The following BTLA variants were observed in gnomAD, a reference collection of about 807,000 sequenced individuals.
BTLA encodes B- and T-lymphocyte attenuator.
Under a neutral mutation model 25.0 loss-of-function variants are expected in BTLA, and 11 were observed. The ratio of observed to expected loss-of-function variants is 0.44; its 90% CI spans 0.28 to 0.73. BTLA has a LOEUF of 0.73. Ranked by LOEUF, BTLA falls within the 30% of genes least tolerant of loss-of-function variation. BTLA has a pLI of 0.15. For missense variants in BTLA, 282 were observed against 332.8 expected (o/e 0.85, Z 1.19); for synonymous variants, 104 against 119.8 (o/e 0.87, Z 0.86).
chr3:112,497,286 C>T (rs1157714040), intron 1 of BTLA, among the ~76,000 whole-genome samples: 5 of 152,166 alleles, frequency 3.3e-5, no homozygotes, highest in Non-Finnish European at 7.3e-5. Flanking sequence ...CATCTACAGT[C>T]TTCACAGCAG....
intron 1 of BTLA, among the ~76,000 whole-genome samples, chr3:112,488,558 A>G (rs1262597761): frequency 6.6e-6 from 1 of 150,434 alleles, no homozygotes; most frequent in African/African-American, 2.5e-5. Flanking sequence ...CCATACCCTC[A>G]TATCCCCACT....
intron 3 of BTLA, chr3:112,470,055 C>T (rs2082253914): frequency 2.8e-6 from 1 of 357,344 alleles, no homozygotes; most frequent in African/African-American, 2.1e-5. Flanking sequence ...TAGTATATCA[C>T]TTGGAAGAGA....
chr3:112,466,880 T>G (rs943822493), intron 4 of BTLA, among the ~76,000 whole-genome samples: 1 of 152,104 alleles, frequency 6.6e-6, no homozygotes, highest in Non-Finnish European at 1.5e-5. Flanking sequence ...AAAATTGATG[T>G]CAGTTTTGGA....
At chr3:112,498,446 A>C (rs2107345491) in intron 1 of BTLA, among the ~76,000 whole-genome samples, 1 of 152,226 alleles carries the variant, frequency 6.6e-6, no homozygotes, top group South Asian at 2.1e-4. Flanking sequence ...AAAAAATAAA[A>C]AAATAAAACC....
intron 4 of BTLA, 106 bp from the exon 5 acceptor site, chr3:112,466,489 G>T: frequency 9.5e-7 from 1 of 1,051,490 alleles, no homozygotes; most frequent in Non-Finnish European, 1.3e-6. Context: ...TGTCCATTGT[G>T]AGAAATAATC....
At chr3:112,485,474 T>C (rs138751448) in intron 1 of BTLA, among the ~76,000 whole-genome samples, 1 of 152,374 alleles carries the variant, frequency 6.6e-6, no homozygotes, top group African/African-American at 2.4e-5. Context: ...GTTTGTCTTA[T>C]CAAATAAATA....
intron 1 of BTLA, among the ~76,000 whole-genome samples, chr3:112,495,374 G>A (rs915197539): frequency 1.2e-4 from 18 of 152,172 alleles, no homozygotes; most frequent in Non-Finnish European, 2.1e-4. Context: ...ACATAAAGAT[G>A]AAACTCACAA....
intron 1 of BTLA, among the ~76,000 whole-genome samples, chr3:112,483,735 A>C (rs973872416): frequency 2.4e-4 from 36 of 151,980 alleles, no homozygotes; most frequent in Non-Finnish European, 4.6e-4. Context: ...TGGGAGGCCG[A>C]GGGAGGTGGA....
intron 1 of BTLA, among the ~76,000 whole-genome samples, chr3:112,497,664 A>G (rs2082416596): frequency 6.6e-6 from 1 of 152,132 alleles, no homozygotes. Context: ...TTGACTTAAT[A>G]CTAGATACTT....
intron 4 of BTLA, among the ~76,000 whole-genome samples, chr3:112,467,725 C>A (rs1462987738): frequency 2.6e-5 from 4 of 152,170 alleles, no homozygotes; most frequent in Admixed American, 2.6e-4. Context: ...TAAGGCTGAG[C>A]GACTGAAAGA....
chr3:112,467,913 T>C (rs1206553624), intron 4 of BTLA, among the ~76,000 whole-genome samples: 1 of 152,362 alleles, frequency 6.6e-6, no homozygotes. Flanking sequence ...GCCTGTCAAT[T>C]GGGTTCCCTG....
intron 1 of BTLA, among the ~76,000 whole-genome samples, chr3:112,493,652 C>T (rs2082392545): frequency 6.6e-6 from 1 of 152,188 alleles, no homozygotes; most frequent in South Asian, 2.1e-4. Flanking sequence ...CAGGCGTGTC[C>T]CACCACGCCC....
intron 2 of BTLA, among the ~76,000 whole-genome samples, chr3:112,472,731 A>G (rs1054425422): frequency 9.2e-5 from 14 of 152,194 alleles, no homozygotes; most frequent in Admixed American, 5.9e-4. Flanking sequence ...TTATAATGTT[A>G]TTTTGTTTGG....
intron 1 of BTLA, among the ~76,000 whole-genome samples, chr3:112,481,486 C>T (rs2082317931): frequency 6.6e-6 from 1 of 152,206 alleles, no homozygotes; most frequent in Non-Finnish European, 1.5e-5. Context: ...AGCTAAGGAG[C>T]ACTGTGCTGG....
chr3:112,489,594 G>C (rs766411598), intron 1 of BTLA, among the ~76,000 whole-genome samples: 1 of 152,136 alleles, frequency 6.6e-6, no homozygotes, highest in Non-Finnish European at 1.5e-5. Context: ...GAAAGTGTCA[G>C]AGTTTAACAT....
rs147979909 is a variant in BTLA, at chr3:112,485,291, C to T, written c.89-5522G>A. 1.2e-3 allele frequency among the ~76,000 whole-genome samples: 183 copies of T among 152,210 alleles called. 1 individual carries two copies. Among genetic ancestry groups the T allele is most frequent in the East Asian group, 0.012 (62 of 5,172 alleles). On this transcript the variant is annotated intron_variant, in intron 1 of 4. Transcript: ENST00000334529. ...AACTCCTGACCTCAGGTGATCCACC[C>T]GCCTCTGCCTCACAAAGTGCTGGGA... is the stretch of plus-strand genomic sequence containing the variant.
intron 4 of BTLA, among the ~76,000 whole-genome samples, chr3:112,466,722 C>T (rs2082229808): frequency 6.6e-6 from 1 of 152,038 alleles, no homozygotes; most frequent in Non-Finnish European, 1.5e-5. Context: ...AAACTTCAGG[C>T]AGTTTATAAC....
intron 3 of BTLA, 41 bp downstream of exon 3, chr3:112,471,171 C>T: frequency 6.3e-7 from 1 of 1,593,430 alleles, no homozygotes; most frequent in Non-Finnish European, 8.6e-7. Flanking sequence ...AGAATGGCCC[C>T]AAATGTGTGG....
intron 4 of BTLA, 121 bp downstream of exon 4, chr3:112,469,637 A>ATG (rs2082250920): frequency 1.6e-5 from 1 of 61,508 alleles, no homozygotes; most frequent in South Asian, 3.9e-4. Context: ...ATATATATAT[A>ATG]TATATATATA....
Sources: gnomAD v4.1 joint callset for allele counts (sites outside exome capture counted in the v4.1 genomes callset) on GRCh38, gnomAD v4.1.1 for gene constraint, MANE v1.5 for transcripts, NCBI Gene and HGNC (gene_info 2026-07-23, HGNC 2026-07-21) for gene names.